The following MAST4 variants were observed in gnomAD, a reference collection of about 807,000 sequenced individuals.
MAST4 encodes the protein microtubule associated serine/threonine kinase family member 4.
In MAST4, 89 loss-of-function variants were observed where a neutral mutation model predicts 162.7. The ratio of observed to expected loss-of-function variants is 0.55; its 90% CI spans 0.46 to 0.65. MAST4 has a LOEUF of 0.65. Ranked by LOEUF, MAST4 falls within the 30% of genes least tolerant of loss-of-function variation. The probability of loss-of-function intolerance (pLI) is 0.00; values close to 1 mark genes in which losing one functional copy is unlikely to be tolerated. For missense variants in MAST4, 3,153 were observed against 3,374.0 expected (o/e 0.93, Z 1.62); for synonymous variants, 1,479 against 1,361.1 (o/e 1.09, Z -1.91).
intron 1 of MAST4, among the ~76,000 whole-genome samples, chr5:66,730,914 G>C (rs1751811123): frequency 6.6e-6 from 1 of 152,020 alleles, no homozygotes; most frequent in South Asian, 2.1e-4. Context: ...TGGAAAATGA[G>C]AAACTGAGAC....
intron 5 of MAST4, among the ~76,000 whole-genome samples, chr5:67,078,776 T>TTATTTATATTTATCTAAATATATA (rs1561620767): frequency 1.0e-4 from 13 of 128,882 alleles, no homozygotes; most frequent in African/African-American, 3.0e-4. Flanking sequence ...ATATATATAT[T>TTATTTATATTTATCTAAATATATA]TATTTATATT....
intron 3 of MAST4, among the ~76,000 whole-genome samples, chr5:66,832,647 G>A (rs1469265955): frequency 4.6e-5 from 7 of 152,030 alleles, no homozygotes; most frequent in Admixed American, 4.6e-4. Context: ...TGTTTCTTCT[G>A]TCTCAACCTT....
chr5:67,166,254 A>G lies in MAST4; in HGVS notation c.7075A>G (p.Ser2359Gly). ...TDNRQTDKSPSQPAANTDRRA... is the reference protein window; with the variant it reads ...TDNRQTDKSPGQPAANTDRRA... ...CAACAGACAGACAGACAAAAGCCCG[A>G]GTCAGCCGGCCGCCAACACCGACAG... Residue 2359 changes from serine (S) to glycine (G), a missense_variant, in exon 29 of 29, where the codon AGT becomes GGT. This residue lies in a region of MAST4 where 1,644 missense variants were observed against 1,495.0 expected (regional missense o/e 1.10). Transcript: ENST00000403625. 6.4e-7 allele frequency: 1 copy of G among 1,553,060 alleles called. No homozygotes were observed. Among genetic ancestry groups the G allele is most frequent in the Non-Finnish European group, 8.7e-7 (1 of 1,147,750 alleles).
At chr5:67,157,582 C>T (rs1772687860) in intron 26 of MAST4, among the ~76,000 whole-genome samples, 2 of 152,118 alleles carry the variant, frequency 1.3e-5, no homozygotes, top group Non-Finnish European at 1.5e-5. Context: ...TTTCCCTTAC[C>T]GCCACTCATT....
intron 7 of MAST4, among the ~76,000 whole-genome samples, chr5:67,098,468 AG>A (rs1764684015): frequency 6.6e-6 from 1 of 152,204 alleles, no homozygotes; most frequent in African/African-American, 2.4e-5. Context: ...GTTTCTTACC[AG>A]ATAAATTATT....
At chr5:66,779,390 G>A (rs925931033) in intron 2 of MAST4, among the ~76,000 whole-genome samples, 1 of 141,368 alleles carries the variant, frequency 7.1e-6, no homozygotes, top group African/African-American at 2.6e-5. Flanking sequence ...TAAACACATA[G>A]CACTTTTTTT....
chr5:66,822,008 A>C (rs916651791), intron 3 of MAST4, among the ~76,000 whole-genome samples: 2 of 152,210 alleles, frequency 1.3e-5, no homozygotes, highest in Non-Finnish European at 2.9e-5. Context: ...TCAATTTCCC[A>C]GAAGGTTGCC....
At chr5:66,886,699 A>G (rs1161960875) in intron 3 of MAST4, among the ~76,000 whole-genome samples, 2 of 147,436 alleles carry the variant, frequency 1.4e-5, no homozygotes, top group Non-Finnish European at 1.5e-5. Flanking sequence ...TATGCTTTTT[A>G]TTTTTCAAAA....
At chr5:67,152,079 C>T (rs551590799) in intron 24 of MAST4, among the ~76,000 whole-genome samples, 2 of 152,226 alleles carry the variant, frequency 1.3e-5, no homozygotes, top group East Asian at 1.9e-4. Flanking sequence ...AGTTAAAATT[C>T]TTTAATCAGT....
chr5:66,731,859 T>C (rs1191561621), intron 1 of MAST4, among the ~76,000 whole-genome samples: 2 of 152,024 alleles, frequency 1.3e-5, no homozygotes, highest in Non-Finnish European at 2.9e-5. Context: ...ACAAATTTCC[T>C]GTCTTTCCTC....
intron 3 of MAST4, among the ~76,000 whole-genome samples, chr5:66,813,259 C>T (rs763018455): frequency 6.6e-6 from 1 of 152,238 alleles, no homozygotes; most frequent in South Asian, 2.1e-4. Flanking sequence ...AAATATGTAT[C>T]GCAATTATAG....
intron 3 of MAST4, among the ~76,000 whole-genome samples, chr5:66,807,062 G>A (rs960307920): frequency 6.6e-6 from 1 of 152,082 alleles, no homozygotes; most frequent in Non-Finnish European, 1.5e-5. Context: ...TACATAATAG[G>A]TGCATATAGT....
intron 1 of MAST4, among the ~76,000 whole-genome samples, chr5:66,641,348 G>C (rs1745478289): frequency 1.3e-5 from 2 of 152,138 alleles, no homozygotes; most frequent in Admixed American, 6.5e-5. Flanking sequence ...AGTAGAGACA[G>C]AATTTCGCTA....
At chr5:67,124,120 T>G (rs1240578203) in intron 14 of MAST4, among the ~76,000 whole-genome samples, 1 of 152,146 alleles carries the variant, frequency 6.6e-6, no homozygotes, top group African/African-American at 2.4e-5. Flanking sequence ...CTCCCACACC[T>G]CAGTTCTGCA....
At chr5:66,693,146 G>C (rs1445146241) in intron 1 of MAST4, among the ~76,000 whole-genome samples, 1 of 152,144 alleles carries the variant, frequency 6.6e-6, no homozygotes, top group Non-Finnish European at 1.5e-5. Flanking sequence ...ATGTGAAAGT[G>C]TGAATTTAGC....
intron 1 of MAST4, among the ~76,000 whole-genome samples, chr5:66,611,534 A>G (rs749218706): frequency 1.3e-5 from 2 of 152,240 alleles, no homozygotes; most frequent in African/African-American, 4.8e-5. Context: ...AGTAGTCTAT[A>G]GTCAAGTTCT....
chr5:67,074,668 C>A (rs990294978), intron 5 of MAST4, among the ~76,000 whole-genome samples: 3 of 151,882 alleles, frequency 2.0e-5, no homozygotes, highest in African/African-American at 7.3e-5. Context: ...GTAATTATAA[C>A]CTAATTATAA....
At chr5:66,732,832 A>G (rs949459578) in intron 1 of MAST4, among the ~76,000 whole-genome samples, 13 of 152,114 alleles carry the variant, frequency 8.5e-5, no homozygotes, top group African/African-American at 2.4e-4. Flanking sequence ...GCTTGCTTCT[A>G]TCTCTTGCTC....
rs1353262025 is a variant in MAST4 at position 67,130,218 on chromosome 5, A to G, written c.1754A>G (p.Tyr585Cys). 3 of 1,612,044 alleles carry G rather than the reference A, an allele frequency of 1.9e-6. No individual in the cohort carries two copies. The highest frequency in any genetic ancestry group is 1.7e-5 in the Admixed American group (1 of 59,692). ...LISNGAYGAVYFVRHKESRQR... is the reference protein window; with the variant it reads ...LISNGAYGAVCFVRHKESRQR... ...CTTCTGCTCCTTTTCAGGGCAGTCT[A>G]CTTTGTTCGGCATAAAGAATCCCGG... Residue 585 changes from tyrosine (Y) to cysteine (C), a missense_variant, in exon 15 of 29, where the codon TAC (tyrosine) becomes TGC (cysteine). Tyr to Cys is a radical substitution (Grantham distance 194). Coordinates refer to ENST00000403625, the MANE Select transcript of MAST4 (RefSeq NM_001164664.2).
Sources: allele counts gnomAD v4.1 joint callset (sites outside exome capture counted in the v4.1 genomes callset), GRCh38; gene constraint gnomAD v4.1.1; regional missense constraint gnomAD v4.1.1; transcripts MANE v1.5; gene names NCBI Gene and HGNC (gene_info 2026-07-23, HGNC 2026-07-21).